MYH16: variants seen among roughly 807,000 people sequenced by gnomAD.
MYH16 encodes myosin heavy chain 16, also known as putative uncharacterized protein MYH16.
chr7:99,288,122 G>C (rs1235070122), exon 29 of MYH16: 1 of 456,514 alleles, frequency 2.2e-6, no homozygotes, highest in Non-Finnish European at 4.4e-6. Context: ...GCATGGAGAC[G>C]ATACAGAAGT....
intron 19 of MYH16, among the ~76,000 whole-genome samples, 111 bp downstream of exon 1, chr7:99,273,188 G>A (rs1341336251): frequency 6.6e-6 from 1 of 152,182 alleles, no homozygotes; most frequent in Admixed American, 6.5e-5. Context: ...CCCTGCCGCA[G>A]ACCACATGGG....
chr7:99,279,488 C>T (rs538811596), intron 21 of MYH16, 22 bp from the exon 4 acceptor site: 1 of 456,148 alleles, frequency 2.2e-6, no homozygotes. Context: ...CTGTCCTCGA[C>T]CGGGGCTCTT....
intron 24 of MYH16, 106 bp from the exon 7 acceptor site, chr7:99,283,767 C>A: frequency 2.3e-6 from 1 of 433,258 alleles, no homozygotes; most frequent in Non-Finnish European, 4.7e-6. Flanking sequence ...GGCGTGAGGG[C>A]CCTTCTGATG....
In MYH16 at chr7:99,294,519, A is replaced by G. The variant is rs868682526; in HGVS notation, n.4282+369A>G. Among the ~76,000 whole-genome samples, 224 of 130,968 alleles carry G rather than the reference A, an allele frequency of 1.7e-3. 2 individuals are homozygous for G. The highest frequency in any genetic ancestry group is 6.1e-3 in the African/African-American group (184 of 30,008). The allele number at this position is 130,968 out of a possible 152,430, so 85.9% of individuals were successfully genotyped here. A position where few individuals can be genotyped will look rare whatever the true frequency, so the allele number is the denominator to read the frequency against. ...CTGTCTCAAAAAAAAAAAAAAAAAA[A>G]AAAAAGAAAAAGAAAAAGAAAAAAA... On this transcript the variant is annotated intron_variant and non_coding_transcript_variant, in intron 33 of 41. Transcript: ENST00000439784.
chr7:99,286,746 C>T (rs1792284001), intron 28 of MYH16, among the ~76,000 whole-genome samples: 1 of 151,518 alleles, frequency 6.6e-6, no homozygotes, highest in African/African-American at 2.4e-5. Context: ...ATCACTTGAG[C>T]CCAGGGATTT....
chr7:99,267,810 G>A lies in MYH16; in HGVS notation n.2266+836G>A, dbSNP rs114984916. ...TGGTGCCAGGTGTCCTTCTATAGCC[G>A]CCCTGCCCCCCACAACAAACTGCAC... On this transcript the variant is annotated intron_variant and non_coding_transcript_variant, in intron 18 of 41. Coordinates refer to ENST00000439784, the Ensembl canonical transcript of MYH16. Among the ~76,000 whole-genome samples the A allele has an allele frequency of 1.4e-3, 212 of 152,234 alleles. 1 individual carries two copies. The highest frequency in any genetic ancestry group is 4.6e-3 in the African/African-American group (192 of 41,544).
chr7:99,246,585 T>G (rs1767863702), intron 2 of MYH16, among the ~76,000 whole-genome samples: 1 of 151,908 alleles, frequency 6.6e-6, no homozygotes, highest in African/African-American at 2.4e-5. Context: ...ACCTGTAGTC[T>G]CAGCTACTCA....
At chr7:99,274,139 G>C (rs1265107300) in intron 20 of MYH16, among the ~76,000 whole-genome samples, 1 of 152,222 alleles carries the variant, frequency 6.6e-6, no homozygotes, top group African/African-American at 2.4e-5. Context: ...CTCATTTCCT[G>C]TTCTTCCGAA....
At chr7:99,271,732 C>T (rs1792049213) in intron 19 of MYH16, among the ~76,000 whole-genome samples, 1 of 152,148 alleles carries the variant, frequency 6.6e-6, no homozygotes, top group South Asian at 2.1e-4. Context: ...TGGGGTCTTG[C>T]TCTGTAGCCC....
exon 32 of MYH16, chr7:99,292,331 T>A (rs116972017): frequency 0.03 from 13,515 of 456,570 alleles, 318 homozygotes; most frequent in Admixed American, 0.062. Context: ...ACCGCCGTGG[T>A]GAGTCTGGCC....
chr7:99,308,938 T>TA (rs1443902769), downstream of MYH16, among the ~76,000 whole-genome samples: 1 of 152,092 alleles, frequency 6.6e-6, no homozygotes, highest in African/African-American at 2.4e-5. Flanking sequence ...CAAAAAAATG[T>TA]AAAAAATGAG....
At chr7:99,284,083 G>A (rs1792242611) in intron 25 of MYH16, 65 bp downstream of exon 7, 2 of 396,168 alleles carry the variant, frequency 5.0e-6, no homozygotes, top group Non-Finnish European at 1.0e-5. Context: ...TGCCTGGAGG[G>A]TGCCAGGAGC....
At chr7:99,277,674 A>C in exon 21 of MYH16, 1 of 456,796 alleles carries the variant, frequency 2.2e-6, no homozygotes, top group South Asian at 1.5e-5. Flanking sequence ...AGCCACGCTC[A>C]GCCAGGAGAA....
Position 99,273,519 on chromosome 7 carries a change from G to T in MYH16, n.2485+96G>T, listed in dbSNP as rs922478162. 6.0e-5 allele frequency: 26 copies of T among 431,984 alleles called. No homozygotes were observed. The Admixed American group carries it at 6.7e-4, about 11-fold the overall frequency. 26.8% of individuals were successfully genotyped at this position (431,984 alleles called of 1,614,324 possible). ...CAGAGATGCCCCTCGGGAGTGAGAG[G>T]CTGCAAGAACAGTTTGAAAATGAGG... On this transcript the variant is annotated intron_variant and non_coding_transcript_variant, in intron 20 of 41. Coordinates refer to ENST00000439784, the Ensembl canonical transcript of MYH16.
At chr7:99,243,390 T>A (rs1186121878) in exon 2 of MYH16, 1 of 152,714 alleles carries the variant, frequency 6.5e-6, no homozygotes, top group Admixed American at 6.5e-5. Context: ...CTAGACAATC[T>A]GCGCCAACGC....
At chr7:99,273,272 C>A in intron 19 of MYH16, 70 bp from the exon 2 acceptor site, 2 of 453,508 alleles carry the variant, frequency 4.4e-6, no homozygotes, top group South Asian at 1.6e-5. Context: ...CCAGGCCCCA[C>A]CCCTTCCCCA....
chr7:99,268,563 C>T (rs1450019826), intron 18 of MYH16, among the ~76,000 whole-genome samples: 6 of 152,176 alleles, frequency 3.9e-5, no homozygotes, highest in Non-Finnish European at 8.8e-5. Flanking sequence ...CACGTCAGTT[C>T]CAGGGGAAGG....
At chr7:99,283,704 G>A (rs1562782101) in intron 24 of MYH16, 53 bp downstream of exon 6, 1 of 455,618 alleles carries the variant, frequency 2.2e-6, no homozygotes, top group Non-Finnish European at 4.4e-6. Context: ...GATCCCTCTG[G>A]GGGCACGGGG....
At position 99,296,586 on chromosome 7, in the gene MYH16, C is replaced by T. The variant is rs1029990214; in HGVS notation, n.4283-115C>T. ...ATTACATTCCAATTCCCAAGGAGTC[C>T]GTAGTCTCAAGAGTTACTGGGGAAA... On this transcript the variant is annotated intron_variant and non_coding_transcript_variant, in intron 33 of 41. Transcript: ENST00000439784. 1.9e-4 allele frequency: 75 copies of T among 398,728 alleles called. 1 individual carries two copies. Among genetic ancestry groups the T allele is most frequent in the Middle Eastern group, 8.5e-4 (1 of 1,182 alleles). The allele number at this position is 398,728 out of a possible 1,614,324, so 24.7% of individuals were successfully genotyped here.
Sources: allele counts gnomAD v4.1 joint callset (sites outside exome capture counted in the v4.1 genomes callset), GRCh38; gene constraint gnomAD v4.1.1; transcripts MANE v1.5; gene names NCBI Gene and HGNC (gene_info 2026-07-23, HGNC 2026-07-21).